Variants in UHRF2 observed in about 807,000 individuals in gnomAD.
The protein encoded by UHRF2 is E3 ubiquitin-protein ligase UHRF2.
In UHRF2, 23 loss-of-function variants were observed where a neutral mutation model predicts 96.8. The observed-to-expected ratio is 0.24, with a 90% CI of 0.17 to 0.34. The LOEUF is 0.34. Among genes scored for constraint, UHRF2 ranks in the 10% least tolerant of loss-of-function variants. UHRF2 has a pLI of 1.00. For missense variants in UHRF2, 685 were observed against 981.5 expected, an observed-to-expected ratio of 0.70 and a Z score of 4.04; for synonymous variants, 385 against 332.6, an observed-to-expected ratio of 1.16 and a Z score of -1.72.
At chr9:6,493,526 A>T (rs1310447687) in intron 9 of UHRF2, among the ~76,000 whole-genome samples, 2 of 152,216 alleles carry the variant, frequency 1.3e-5, no homozygotes, top group African/African-American at 4.8e-5. Flanking sequence ...ATTTAAATCC[A>T]TAAGACCTTA....
intron 1 of UHRF2, chr9:6,415,491 C>G (rs921741984): frequency 6.6e-6 from 1 of 152,196 alleles, no homozygotes; most frequent in African/African-American, 2.4e-5. Context: ...TTCGTGGTCT[C>G]TGGAGCTCCA....
At chr9:6,414,182 A>G (rs1819455852) in intron 1 of UHRF2, 1 of 152,294 alleles carries the variant, frequency 6.6e-6, no homozygotes, top group South Asian at 2.1e-4. Flanking sequence ...GGATTCGCGC[A>G]AACTGAAGAT....
intron 3 of UHRF2, among the ~76,000 whole-genome samples, chr9:6,441,099 G>C (rs912643108): frequency 5.9e-5 from 9 of 152,138 alleles, no homozygotes; most frequent in African/African-American, 2.2e-4. Context: ...CAAATTCTTG[G>C]CCTGTGCAGT....
intron 13 of UHRF2, 121 bp from the exon 14 acceptor site, chr9:6,500,431 A>T (rs1816225575): frequency 1.3e-6 from 1 of 782,550 alleles, no homozygotes; most frequent in African/African-American, 1.8e-5. Context: ...GGGAAATTAG[A>T]TGCTGTTTTA....
Position 6,499,941 on chromosome 9 carries a change from G to A in UHRF2, c.2005+10G>A. 6.3e-7 allele frequency: 1 copy of A among 1,582,880 alleles called. No individual in the cohort carries two copies. Among genetic ancestry groups the A allele is most frequent in the Non-Finnish European group, 8.7e-7 (1 of 1,155,354 alleles). On this transcript the variant is annotated intron_variant, in intron 13 of 15. Coordinates refer to ENST00000276893, the MANE Select transcript of UHRF2 (RefSeq NM_152896.3). ...AGGCCAATTTCAGATGGTAGGTAAT[G>A]ATTGCAAAATATAAATAATAATAAC...
intron 2 of UHRF2, among the ~76,000 whole-genome samples, chr9:6,433,684 T>C (rs1820679470): frequency 1.3e-5 from 2 of 152,258 alleles, no homozygotes; most frequent in East Asian, 3.8e-4. Flanking sequence ...AGAAAACACC[T>C]ATTTCATTGA....
chr9:6,473,738 T>A (rs1345731996), intron 4 of UHRF2, among the ~76,000 whole-genome samples: 2 of 152,208 alleles, frequency 1.3e-5, no homozygotes, highest in Admixed American at 1.3e-4. Context: ...TTAACTCCCC[T>A]GTTAACAGCA....
At chr9:6,478,434 A>T (rs1680640402) in intron 6 of UHRF2, among the ~76,000 whole-genome samples, 1 of 152,204 alleles carries the variant, frequency 6.6e-6, no homozygotes, top group Non-Finnish European at 1.5e-5. Context: ...ACTAAACACT[A>T]ACAAAGTGGT....
chr9:6,502,732 G>A (rs531937429), intron 14 of UHRF2, among the ~76,000 whole-genome samples: 51 of 152,170 alleles, frequency 3.4e-4, no homozygotes, highest in Non-Finnish European at 4.0e-4. Context: ...CAAAATACCT[G>A]TATTAGATAT....
intron 3 of UHRF2, among the ~76,000 whole-genome samples, chr9:6,451,773 T>TTGGTTG (rs1554625814): frequency 0.014 from 2,073 of 148,918 alleles, 44 homozygotes; most frequent in African/African-American, 0.048. Context: ...GCCCGGCCTG[T>TTGGTTG]TTGTTGTTGT....
At chr9:6,447,083 G>A (rs1051348810) in intron 3 of UHRF2, among the ~76,000 whole-genome samples, 7 of 151,878 alleles carry the variant, frequency 4.6e-5, no homozygotes, top group Non-Finnish European at 2.9e-5. Flanking sequence ...TAGAGATGGG[G>A]TTTCACCATG....
intron 12 of UHRF2, 44 bp from the exon 13 acceptor site, chr9:6,499,791 A>G (rs1206823019): frequency 3.4e-5 from 38 of 1,111,266 alleles, no homozygotes; most frequent in Non-Finnish European, 4.6e-5. Context: ...CTTCTCTGTG[A>G]AGCTTAAATC....
At chr9:6,504,031 T>TC (rs1473210181) in intron 14 of UHRF2, among the ~76,000 whole-genome samples, 1 of 141,674 alleles carries the variant, frequency 7.1e-6, no homozygotes, top group East Asian at 2.0e-4. Context: ...TTTTTTTTTT[T>TC]TTTTTTTTTT....
intron 4 of UHRF2, among the ~76,000 whole-genome samples, chr9:6,468,940 TTATA>T (rs1823047889): frequency 6.6e-6 from 1 of 152,166 alleles, no homozygotes; most frequent in Admixed American, 6.5e-5. Flanking sequence ...GAACTTTCCT[TTATA>T]TAAGATAATA....
intron 2 of UHRF2, among the ~76,000 whole-genome samples, chr9:6,433,264 A>G (rs984952552): frequency 1.3e-5 from 2 of 152,202 alleles, no homozygotes; most frequent in Non-Finnish European, 2.9e-5. Flanking sequence ...TTAGTTGTGG[A>G]TCAGCCACTG....
intron 4 of UHRF2, among the ~76,000 whole-genome samples, chr9:6,462,933 A>G (rs1428046882): frequency 1.3e-5 from 2 of 151,140 alleles, no homozygotes; most frequent in Admixed American, 1.3e-4. Flanking sequence ...AAGTTTTCCC[A>G]AGTGATCCTG....
chr9:6,427,645 A>G (rs1208328867), intron 2 of UHRF2, among the ~76,000 whole-genome samples: 1 of 152,202 alleles, frequency 6.6e-6, no homozygotes, highest in Non-Finnish European at 1.5e-5. Flanking sequence ...AGACCGCGCC[A>G]CTGCACTCCT....
At chr9:6,500,819 G>A (rs1409530511) in intron 14 of UHRF2, 110 bp downstream of exon 14, 7 of 1,055,870 alleles carry the variant, frequency 6.6e-6, no homozygotes, top group African/African-American at 3.3e-5. Context: ...CCTTCTACCC[G>A]GTTTTCTAAT....
At chr9:6,420,496 A>G (rs535111781) in intron 1 of UHRF2, among the ~76,000 whole-genome samples, 12 of 151,370 alleles carry the variant, frequency 7.9e-5, no homozygotes, top group African/African-American at 2.9e-4. Flanking sequence ...AGGTCAGGAG[A>G]TCAAGACCAT....
Sources: gnomAD v4.1 joint callset for allele counts (sites outside exome capture counted in the v4.1 genomes callset) on GRCh38, gnomAD v4.1.1 for gene constraint, MANE v1.5 for transcripts, NCBI Gene and HGNC (gene_info 2026-07-23, HGNC 2026-07-21) for gene names.